Variants in FANK1 observed in about 807,000 individuals in gnomAD.
The protein encoded by FANK1 is fibronectin type 3 and ankyrin repeat domains protein 1.
Under a neutral mutation model 45.3 loss-of-function variants are expected in FANK1, and 44 were observed. The observed-to-expected ratio is 0.97, with a 90% CI of 0.76 to 1.25. FANK1 has a LOEUF of 1.25. Ranked by LOEUF, FANK1 falls within the 50% of genes most tolerant of loss-of-function variation. The pLI is 0.00. For synonymous variants in FANK1, 149 were observed against 152.5 expected (o/e 0.98, Z 0.17); for missense variants, 391 against 424.4 (o/e 0.92, Z 0.69).
chr10:125,981,408 G>A (rs1160171644), intron 2 of FANK1, among the ~76,000 whole-genome samples: 8 of 150,336 alleles, frequency 5.3e-5, no homozygotes, highest in Non-Finnish European at 1.2e-4. Context: ...GAGGTGGGAG[G>A]ATCACTTGAG....
chr10:125,962,935 G>T (rs555412052), intron 1 of FANK1, among the ~76,000 whole-genome samples: 2 of 150,998 alleles, frequency 1.3e-5, no homozygotes, highest in Admixed American at 6.6e-5. Flanking sequence ...TGAATATGGT[G>T]CATTTGTTGC....
At chr10:125,972,804 C>T (rs567921999) in intron 1 of FANK1, 20 of 151,808 alleles carry the variant, frequency 1.3e-4, no homozygotes, top group East Asian at 5.8e-4. Flanking sequence ...ATTGCTGACA[C>T]GTGTGTGTGT....
chr10:126,004,709 G>GAT, intron 6 of FANK1, 175 bp from the exon 7 acceptor site: 1 of 607,764 alleles, frequency 1.6e-6, no homozygotes, highest in South Asian at 2.0e-5. Context: ...CCATTGTATG[G>GAT]ATATACCACA....
At chr10:125,986,349 AG>A (rs1951558279) in intron 2 of FANK1, among the ~76,000 whole-genome samples, 5 of 152,202 alleles carry the variant, frequency 3.3e-5, no homozygotes. Flanking sequence ...ATGCAAAAAC[AG>A]GATCATTGAA....
At chr10:125,921,584 A>G (rs1326277048) in intron 1 of FANK1, among the ~76,000 whole-genome samples, 3 of 151,162 alleles carry the variant, frequency 2.0e-5, no homozygotes, top group Non-Finnish European at 4.4e-5. Flanking sequence ...TGACTTTATC[A>G]GAACCTGCCA....
At chr10:125,941,502 T>A (rs1330345640) in intron 1 of FANK1, among the ~76,000 whole-genome samples, 1 of 152,218 alleles carries the variant, frequency 6.6e-6, no homozygotes, top group Non-Finnish European at 1.5e-5. Context: ...CATTATCACA[T>A]AAGTTTGAAT....
intron 1 of FANK1, among the ~76,000 whole-genome samples, chr10:125,897,243 A>G (rs1253923286): frequency 6.6e-6 from 1 of 152,114 alleles, no homozygotes; most frequent in Non-Finnish European, 1.5e-5. Context: ...AATGTTTGTA[A>G]TCTCTTTTTC....
At chr10:125,990,262 C>T (rs1050045199) in intron 3 of FANK1, among the ~76,000 whole-genome samples, 1 of 152,148 alleles carries the variant, frequency 6.6e-6, no homozygotes, top group South Asian at 2.1e-4. Flanking sequence ...GTGGGAGTTC[C>T]TTAATAAATA....
intron 1 of FANK1, among the ~76,000 whole-genome samples, chr10:125,930,115 C>T (rs1179840018): frequency 6.6e-6 from 1 of 152,144 alleles, no homozygotes; most frequent in East Asian, 1.9e-4. Flanking sequence ...AGTGCAGTGG[C>T]ATGATCCTGG....
chr10:125,967,372 C>T (rs1016769480), intron 1 of FANK1, among the ~76,000 whole-genome samples: 2 of 152,052 alleles, frequency 1.3e-5, no homozygotes, highest in Non-Finnish European at 1.5e-5. Context: ...AAAGTTATAG[C>T]AGTTTATAAG....
intron 1 of FANK1, among the ~76,000 whole-genome samples, chr10:125,898,056 C>T (rs1239670800): frequency 7.0e-5 from 10 of 141,908 alleles, no homozygotes; most frequent in African/African-American, 8.0e-5. Flanking sequence ...TGGCGCGTGC[C>T]TGGAGTCCTA....
At chr10:125,929,335 G>A (rs1947595007) in intron 1 of FANK1, among the ~76,000 whole-genome samples, 1 of 152,314 alleles carries the variant, frequency 6.6e-6, no homozygotes, top group South Asian at 2.1e-4. Flanking sequence ...GGTATCCTGA[G>A]TGTGGAGACC....
At chr10:126,008,850 G>A (rs1320061097) in intron 8 of FANK1, among the ~76,000 whole-genome samples, 3 of 152,208 alleles carry the variant, frequency 2.0e-5, no homozygotes, top group Non-Finnish European at 4.4e-5. Flanking sequence ...TGTGGATAGA[G>A]GGAGTCCATT....
rs537315312 is a variant in FANK1 at position 125,991,071 on chromosome 10, G to A, written c.316+2396G>A. 1.5e-3 allele frequency among the ~76,000 whole-genome samples: 228 copies of A among 152,278 alleles called. 3 individuals are homozygous for A. The highest frequency in any genetic ancestry group is 5.4e-3 in the African/African-American group (224 of 41,558). On this transcript the variant is annotated intron_variant, in intron 3 of 10. Coordinates refer to ENST00000368693, the MANE Select transcript of FANK1 (RefSeq NM_145235.5). ...ACAATTCAAGATGAGATTTGGGTGG[G>A]GACACAGCCAAACTATATCAGGCTG...
intron 1 of FANK1, among the ~76,000 whole-genome samples, chr10:125,967,700 C>T (rs1950267888): frequency 1.3e-5 from 2 of 152,194 alleles, no homozygotes; most frequent in Admixed American, 1.3e-4. Flanking sequence ...ACCTCCTGGG[C>T]TCAACTGATC....
At position 126,009,442 on chromosome 10, in the gene FANK1, G is replaced by C. The variant is rs760775719; in HGVS notation, c.*4G>C. ...AAAGAAGTCTTGTGTCTGCTGATGA[G>C]AGCACCACTCATCTGCGAAACGCAC... is the stretch of plus-strand genomic sequence containing the variant. On this transcript the variant is annotated 3_prime_UTR_variant, in exon 11 of 11. Transcript: ENST00000368693. 2 of 1,613,650 alleles carry C rather than the reference G, an allele frequency of 1.2e-6. No individual in the cohort carries two copies. The highest frequency in any genetic ancestry group is 1.7e-6 in the Non-Finnish European group (2 of 1,179,934).
intron 2 of FANK1, among the ~76,000 whole-genome samples, chr10:125,988,233 T>G (rs1951693361): frequency 6.6e-6 from 1 of 152,238 alleles, no homozygotes; most frequent in African/African-American, 2.4e-5. Flanking sequence ...GCCTGTCTTA[T>G]CTTTCAAATA....
chr10:125,992,202 C>T (rs773614466), intron 3 of FANK1, among the ~76,000 whole-genome samples: 3 of 152,240 alleles, frequency 2.0e-5, no homozygotes, highest in Non-Finnish European at 2.9e-5. Context: ...GGAATTTCCT[C>T]TCTGTTCCTC....
intron 1 of FANK1, among the ~76,000 whole-genome samples, chr10:125,915,173 C>T (rs1414378408): frequency 3.9e-5 from 6 of 152,160 alleles, no homozygotes; most frequent in South Asian, 2.1e-4. Context: ...TTCCACAGGC[C>T]ACACTTTGAG....
Sources: gnomAD v4.1 joint callset for allele counts (sites outside exome capture counted in the v4.1 genomes callset) on GRCh38, gnomAD v4.1.1 for gene constraint, MANE v1.5 for transcripts, NCBI Gene and HGNC (gene_info 2026-07-23, HGNC 2026-07-21) for gene names.